The following CPLANE1 variants were observed in gnomAD, a reference collection of about 807,000 sequenced individuals.
CPLANE1 encodes the protein ciliogenesis and planar polarity effector complex subunit 1, also known as ciliogenesis and planar polarity effector 1.
A neutral mutation model predicts 362.5 loss-of-function variants in CPLANE1; 263 were observed. The ratio of observed to expected loss-of-function variants is 0.73; its 90% CI spans 0.66 to 0.80. The LOEUF is 0.80. Among genes scored for constraint, CPLANE1 ranks in the 30% least tolerant of loss-of-function variants. The pLI is 0.00. For synonymous variants in CPLANE1, 1,212 were observed against 1,302.6 expected (o/e 0.93, Z 1.50); for missense variants, 3,461 against 3,793.4 (o/e 0.91, Z 2.30).
chr5:37,084,794 A>T, the CPLANE1 span, among the ~76,000 whole-genome samples: 5,135 of 143,158 alleles, frequency 0.036, 269 homozygotes, highest in African/African-American at 0.13. Context: ...CTTTTTTTTT[A>T]AAAAAAAAAA....
chr5:37,132,396 G>C lies in CPLANE1; in HGVS notation c.8792+6324C>G, dbSNP rs564131084. ...GTCTTGCTCTGTCGCCCAGGCTGGA[G>C]TGCATTGGCGCAATCTCGGCTCACT... On this transcript the variant is annotated intron_variant, in intron 46 of 52. Coordinates refer to ENST00000651892, the MANE Select transcript of CPLANE1 (RefSeq NM_001384732.1). 3.0e-5 allele frequency among the ~76,000 whole-genome samples: 4 copies of C among 132,886 alleles called. No homozygotes were observed. In the East Asian group the frequency reaches 7.1e-4, roughly 24 times the overall value. 87.2% of individuals were successfully genotyped at this position (132,886 alleles called of 152,430 possible).
At chr5:37,165,997 C>T (rs1778134810) in intron 35 of CPLANE1, among the ~76,000 whole-genome samples, 1 of 152,092 alleles carries the variant, frequency 6.6e-6, no homozygotes, top group Non-Finnish European at 1.5e-5. Flanking sequence ...CTATCAGATA[C>T]CTCCATTTGT....
chr5:37,083,917 GA>G, the CPLANE1 span, among the ~76,000 whole-genome samples: 1 of 152,180 alleles, frequency 6.6e-6, no homozygotes, highest in Non-Finnish European at 1.5e-5. Context: ...TCAAACACAA[GA>G]AGCACAAAGA....
chr5:37,178,163 C>T (rs899026576), intron 29 of CPLANE1, among the ~76,000 whole-genome samples: 18 of 152,156 alleles, frequency 1.2e-4, no homozygotes, highest in Admixed American at 2.6e-4. Flanking sequence ...GGCATGGTGG[C>T]GCATACCTGT....
Position 37,246,877 on chromosome 5 carries a change from A to G in CPLANE1, c.81+741T>C, listed in dbSNP as rs372055511. ...GAGCCGAGAGGATGCCATTGCGTCC[A>G]GCCTGGGCAACAGAGCGAGACTCCA... On this transcript the variant is annotated intron_variant, in intron 2 of 52. Transcript: ENST00000651892. Among the ~76,000 whole-genome samples, 17 of 152,322 alleles carry G rather than the reference A, an allele frequency of 1.1e-4. No homozygotes were observed. The East Asian group carries it at 2.7e-3, about 24-fold the overall frequency.
chr5:37,234,504 G>GAAAAAAAAAA (rs559018471), intron 8 of CPLANE1, among the ~76,000 whole-genome samples: 1 of 119,346 alleles, frequency 8.4e-6, no homozygotes, highest in Admixed American at 8.5e-5. Context: ...ACAAAAATAA[G>GAAAAAAAAAA]AAAAAAAAAA....
chr5:37,086,120 C>G, the CPLANE1 span, among the ~76,000 whole-genome samples: 1 of 152,024 alleles, frequency 6.6e-6, no homozygotes, highest in Non-Finnish European at 1.5e-5. Context: ...CTTCAATACT[C>G]CACTGACAGC....
rs1738776064 is a variant in CPLANE1, at chr5:37,244,361, G to GTGAAGC, written c.570+13_570+14insGCTTCA. The GTGAAGC allele has an allele frequency of 3.1e-5, 47 of 1,528,956 alleles. No individual in the cohort carries two copies. Among genetic ancestry groups the GTGAAGC allele is most frequent in the Non-Finnish European group, 3.5e-5 (40 of 1,130,176 alleles). The allele number at this position is 1,528,956 out of a possible 1,614,324, so 94.7% of individuals were successfully genotyped here. A position where few individuals can be genotyped will look rare whatever the true frequency, so the allele number is the denominator to read the frequency against. On this transcript the variant is annotated intron_variant, in intron 5 of 52. Transcript: ENST00000651892. ...TAATCTGCTTCACAGATAAGAGTCT[G>GTGAAGC]AGACTGATTTTACCTCATTTTTTAT...
rs77188996 is a variant in CPLANE1 at position 37,135,914 on chromosome 5, C to T, written c.8792+2806G>A. Reference sequence around the variant, plus strand: ...GAGAACAGGATGGGGCAAAACACCTCCGTGATTAAATTATCTCCACCAACA... The same window carrying T: ...GAGAACAGGATGGGGCAAAACACCTTCGTGATTAAATTATCTCCACCAACA... On this transcript the variant is annotated intron_variant, in intron 46 of 52. Transcript: ENST00000651892. 2.8e-3 allele frequency among the ~76,000 whole-genome samples: 421 copies of T among 152,192 alleles called. 1 individual carries two copies. Among genetic ancestry groups the T allele is most frequent in the Non-Finnish European group, 5.0e-3 (343 of 68,002 alleles).
At chr5:37,133,246 C>A (rs1766513901) in intron 46 of CPLANE1, among the ~76,000 whole-genome samples, 1 of 151,990 alleles carries the variant, frequency 6.6e-6, no homozygotes, top group Admixed American at 6.6e-5. Context: ...ATTGCTTTGG[C>A]CATTTGGACC....
chr5:37,233,317 T>C (rs555937304), intron 8 of CPLANE1, among the ~76,000 whole-genome samples: 3 of 152,180 alleles, frequency 2.0e-5, no homozygotes, highest in East Asian at 3.9e-4. Context: ...TGGGCTGCTG[T>C]TGAGACTGAG....
chr5:37,142,676 G>A lies in CPLANE1; in HGVS notation c.8462-196C>T, dbSNP rs10069109. 51,915 of 388,840 alleles carry A rather than the reference G, an allele frequency of 0.13. 4,512 individuals carry two copies. Among genetic ancestry groups the A allele is most frequent in the African/African-American group, 0.31 (14,717 of 48,072 alleles). 24.1% of individuals were successfully genotyped at this position (388,840 alleles called of 1,614,324 possible). ...AAGCTCTCCCACAGTAAATAAACAA[G>A]ATTTATTAGACTGAGCTGAAGTACA... On this transcript the variant is annotated intron_variant, in intron 43 of 52. Coordinates refer to ENST00000651892, the MANE Select transcript of CPLANE1 (RefSeq NM_001384732.1).
chr5:37,175,791 CTTAGT>C, intron 31 of CPLANE1, 113 bp downstream of exon 31: 1 of 676,700 alleles, frequency 1.5e-6, no homozygotes, highest in Non-Finnish European at 2.6e-6. Flanking sequence ...TTTCATTTTT[CTTAGT>C]TTTTAGTCAA....
At chr5:37,182,698 A>C in intron 26 of CPLANE1, 62 bp downstream of exon 26, 1 of 985,808 alleles carries the variant, frequency 1.0e-6, no homozygotes, top group South Asian at 1.6e-5. Flanking sequence ...GGAAATGTAA[A>C]CATAGTTTTA....
intron 6 of CPLANE1, among the ~76,000 whole-genome samples, chr5:37,242,803 G>C (rs920944357): frequency 6.9e-6 from 1 of 144,600 alleles, no homozygotes; most frequent in African/African-American, 2.4e-5. Context: ...AAGGCAGGAG[G>C]ACTGCTTGAG....
At chr5:37,177,735 G>A in intron 29 of CPLANE1, 35 bp from the exon 30 acceptor site, 3 of 1,521,454 alleles carry the variant, frequency 2.0e-6, no homozygotes, top group Non-Finnish European at 2.7e-6. Context: ...AAGAAAACAG[G>A]TAAAACAAAT....
intron 26 of CPLANE1, among the ~76,000 whole-genome samples, chr5:37,181,322 T>C (rs1009411690): frequency 2.6e-5 from 4 of 152,196 alleles, no homozygotes; most frequent in Non-Finnish European, 2.9e-5. Flanking sequence ...TCATTCCCTT[T>C]GCTATATCAT....
At chr5:37,158,377 T>A (rs1159003744) in intron 38 of CPLANE1, 32 bp from the exon 39 acceptor site, 6 of 1,588,424 alleles carry the variant, frequency 3.8e-6, no homozygotes, top group African/African-American at 2.7e-5. Flanking sequence ...ATCAGGAACA[T>A]TCAAAAAAAG....
rs2150448449 is a variant in CPLANE1, at chr5:37,227,342, G to C, written c.1422C>G (p.Ser474Arg). The C allele has an allele frequency of 3.9e-6, 6 of 1,551,794 alleles. No individual in the cohort carries two copies. Among genetic ancestry groups the C allele is most frequent in the Non-Finnish European group, 5.2e-6 (6 of 1,146,920 alleles). Residue 474 changes from serine to arginine, a missense_variant, in exon 11 of 53, where the codon AGC becomes AGG. Physicochemically the swap from Ser to Arg is moderately radical, Grantham distance 110. Around this residue, in one of 2 missense-constraint regions of CPLANE1, gnomAD observed 3,380 missense variants for 3,666.1 expected, o/e 0.92. Transcript: ENST00000651892. Reference sequence around the variant, plus strand: ...TTTCATTTCCTTGGTGTTCTAACAGGCTAGACCTTAGGGAATTCAGTGATC... The same window carrying C: ...TTTCATTTCCTTGGTGTTCTAACAGCCTAGACCTTAGGGAATTCAGTGATC... ...NLRSLNSLRS[S>R]LLEHQGNESS...
Sources: gnomAD v4.1 joint callset for allele counts (sites outside exome capture counted in the v4.1 genomes callset) on GRCh38, gnomAD v4.1.1 for gene constraint, gnomAD v4.1.1 regional missense constraint, MANE v1.5 for transcripts, NCBI Gene and HGNC (gene_info 2026-07-23, HGNC 2026-07-21) for gene names.